The following RXFP1 variants were observed in gnomAD, a reference collection of about 807,000 sequenced individuals.
RXFP1 encodes relaxin family peptide receptor 1, also known as relaxin receptor 1.
A neutral mutation model predicts 89.8 loss-of-function variants in RXFP1; 73 were observed. That is an observed-to-expected ratio of 0.81 (90% CI 0.67 to 0.99). RXFP1 has a LOEUF of 0.99. Among genes scored for constraint, RXFP1 ranks in the 50% least tolerant of loss-of-function variants. The probability of loss-of-function intolerance (pLI) is 0.00; values close to 1 mark genes in which losing one functional copy is unlikely to be tolerated. For synonymous variants in RXFP1, 277 were observed against 305.5 expected, an observed-to-expected ratio of 0.91 and a Z score of 0.97; for missense variants, 793 against 895.5, an observed-to-expected ratio of 0.89 and a Z score of 1.46.
rs757580385 is a variant in RXFP1 at position 158,651,813 on chromosome 4, C to A, written c.2032C>A (p.Pro678Thr). 1.2e-6 allele frequency: 2 copies of A among 1,613,854 alleles called. No individual in the cohort carries two copies. Among genetic ancestry groups the A allele is most frequent in the Non-Finnish European group, 1.7e-6 (2 of 1,179,894 alleles). Residue 678 changes from proline (P) to threonine (T), a missense_variant, in exon 18 of 18, where the codon CCA becomes ACA. Physicochemically the swap from Pro to Thr is conservative, Grantham distance 38. Coordinates refer to ENST00000307765, the MANE Select transcript of RXFP1 (RefSeq NM_021634.4). Reference sequence around the variant, plus strand: ...TCTGCCCATTAACAGTGCTTTGAACCCAATTCTCTATACTCTGACCACAAG... The same window carrying A: ...TCTGCCCATTAACAGTGCTTTGAACACAATTCTCTATACTCTGACCACAAG... ...FILPINSALNPILYTLTTRPF... is the reference protein window; with the variant it reads ...FILPINSALNTILYTLTTRPF...
In RXFP1 at chr4:158,612,463, C is replaced by A. The variant is rs187723839; in HGVS notation, c.680+101C>A. The A allele has an allele frequency of 9.3e-5, 72 of 771,438 alleles. No homozygotes were observed. In the African/African-American group the frequency reaches 1.2e-3, roughly 13 times the overall value. The allele number at this position is 771,438 out of a possible 1,614,324, so 47.8% of individuals were successfully genotyped here. ...CATTAAATTTGGATTTGTTAAAACC[C>A]CAAAGAGGCCTTTTCAATGAAAAAC... On this transcript the variant is annotated intron_variant, in intron 8 of 17. Coordinates refer to ENST00000307765, the MANE Select transcript of RXFP1 (RefSeq NM_021634.4).
At chr4:158,646,147 G>T (rs1360662034) in intron 15 of RXFP1, among the ~76,000 whole-genome samples, 1 of 151,970 alleles carries the variant, frequency 6.6e-6, no homozygotes, top group East Asian at 1.9e-4. Context: ...CTAATTCCTG[G>T]GATCGGAGAC....
At chr4:158,643,952 A>T (rs973667983) in intron 14 of RXFP1, among the ~76,000 whole-genome samples, 1 of 151,314 alleles carries the variant, frequency 6.6e-6, no homozygotes, top group African/African-American at 2.4e-5. Flanking sequence ...GAGTAAGATG[A>T]TACCTCATTG....
intron 14 of RXFP1, among the ~76,000 whole-genome samples, chr4:158,642,677 T>G (rs1030854149): frequency 3.3e-5 from 5 of 152,202 alleles, no homozygotes; most frequent in Non-Finnish European, 7.3e-5. Flanking sequence ...TTTTATCCAT[T>G]CATCTGTTCA....
Position 158,648,014 on chromosome 4 carries a change from CA to C in RXFP1, c.1757-472del, listed in dbSNP as rs35514598. On this transcript the variant is annotated intron_variant, in intron 16 of 17. Coordinates refer to ENST00000307765, the MANE Select transcript of RXFP1 (RefSeq NM_021634.4). The stretch of plus-strand genomic sequence containing the variant: ...CGAGCAACACAGCGAGACTCCATCT[CA>C]AAAAAAAAAAAATTAGCTGGTGTGA... Among the ~76,000 whole-genome samples the C allele has an allele frequency of 1.8e-4, 26 of 144,718 alleles. 1 individual carries two copies. Among genetic ancestry groups the C allele is most frequent in the African/African-American group, 5.9e-4 (23 of 39,218 alleles). The allele number at this position is 144,718 out of a possible 152,430, so 94.9% of individuals were successfully genotyped here. A position where few individuals can be genotyped will look rare whatever the true frequency, so the allele number is the denominator to read the frequency against.
At chr4:158,535,488 G>A (rs942819972) in intron 1 of RXFP1, among the ~76,000 whole-genome samples, 4 of 152,096 alleles carry the variant, frequency 2.6e-5, no homozygotes, top group African/African-American at 9.7e-5. Context: ...AGTCGAATCA[G>A]CTACTGGTTT....
intron 11 of RXFP1, among the ~76,000 whole-genome samples, chr4:158,629,156 A>G (rs1561165904): frequency 6.6e-6 from 1 of 151,634 alleles, no homozygotes; most frequent in Admixed American, 6.6e-5. Context: ...GTTCAAGCAA[A>G]TATCCTGCCT....
At chr4:158,593,065 C>G (rs997827908) in intron 2 of RXFP1, among the ~76,000 whole-genome samples, 1 of 148,400 alleles carries the variant, frequency 6.7e-6, no homozygotes, top group Non-Finnish European at 1.5e-5. Context: ...TCCACCTGGG[C>G]GACCAGGCGA....
intron 15 of RXFP1, chr4:158,646,449 T>C (rs1771560653): frequency 1.6e-6 from 2 of 1,243,474 alleles, no homozygotes. Context: ...AGTCCCTAAC[T>C]GAATGCTCTA....
At chr4:158,606,272 G>T (rs886606079) in intron 5 of RXFP1, among the ~76,000 whole-genome samples, 1 of 152,150 alleles carries the variant, frequency 6.6e-6, no homozygotes, top group East Asian at 1.9e-4. Context: ...TTTATATAAT[G>T]CAGTGGCTTA....
chr4:158,633,275 G>T, intron 11 of RXFP1, 130 bp from the exon 12 acceptor site: 5 of 574,330 alleles, frequency 8.7e-6, no homozygotes, highest in Middle Eastern at 2.8e-4. Context: ...TAAATTTTTA[G>T]ACTTCTGGTG....
chr4:158,597,504 C>T (rs1314640416), intron 3 of RXFP1, among the ~76,000 whole-genome samples: 1 of 152,104 alleles, frequency 6.6e-6, no homozygotes, highest in Admixed American at 6.5e-5. Flanking sequence ...ATCAAATTTT[C>T]AATTAGCATT....
intron 15 of RXFP1, 186 bp from the exon 16 acceptor site, chr4:158,646,605 G>A (rs866915680): frequency 1.4e-6 from 2 of 1,402,610 alleles, no homozygotes; most frequent in Non-Finnish European, 9.2e-7. Context: ...CTTTGAGAGT[G>A]GTTACCAAAG....
rs781240326 is a variant in RXFP1, at chr4:158,579,579, T to C, written c.187+6744T>C. On this transcript the variant is annotated intron_variant, in intron 2 of 17. Transcript: ENST00000307765. Reference sequence around the variant, plus strand: ...GCAGCCTGCCCAACTTCTCTTGTTTTAAGTCACCAAGTTTGTGGGAATTTG... The same window carrying C: ...GCAGCCTGCCCAACTTCTCTTGTTTCAAGTCACCAAGTTTGTGGGAATTTG... 3.3e-5 allele frequency among the ~76,000 whole-genome samples: 5 copies of C among 152,220 alleles called. 1 individual carries two copies. The highest frequency in any genetic ancestry group is 1.2e-4 in the African/African-American group (5 of 41,464).
chr4:158,621,350 TAGAC>T (rs1159555753), intron 9 of RXFP1, among the ~76,000 whole-genome samples: 2 of 152,124 alleles, frequency 1.3e-5, no homozygotes, highest in Non-Finnish European at 2.9e-5. Flanking sequence ...ATAGATTAGA[TAGAC>T]AGTGGTATTC....
intron 2 of RXFP1, among the ~76,000 whole-genome samples, chr4:158,589,094 GA>G (rs1453781149): frequency 1.3e-5 from 2 of 152,176 alleles, no homozygotes; most frequent in Non-Finnish European, 2.9e-5. Flanking sequence ...CCTCTTCACA[GA>G]GCAGCAGGAG....
intron 1 of RXFP1, among the ~76,000 whole-genome samples, chr4:158,533,918 G>A (rs747142218): frequency 3.3e-5 from 5 of 152,020 alleles, no homozygotes; most frequent in African/African-American, 4.8e-5. Flanking sequence ...AAACATCAAT[G>A]TATAAAAATA....
intron 9 of RXFP1, among the ~76,000 whole-genome samples, chr4:158,625,319 A>G (rs1475649073): frequency 6.6e-6 from 1 of 152,110 alleles, no homozygotes; most frequent in Non-Finnish European, 1.5e-5. Flanking sequence ...TAGTACAAAA[A>G]TCCTGTCTAC....
At chr4:158,620,854 C>T (rs996885333) in intron 9 of RXFP1, among the ~76,000 whole-genome samples, 1 of 152,186 alleles carries the variant, frequency 6.6e-6, no homozygotes, top group Non-Finnish European at 1.5e-5. Context: ...GGCATGGTGG[C>T]TCACACCTAT....
Sources: gnomAD v4.1 joint callset for allele counts (sites outside exome capture counted in the v4.1 genomes callset) on GRCh38, gnomAD v4.1.1 for gene constraint, MANE v1.5 for transcripts, NCBI Gene and HGNC (gene_info 2026-07-23, HGNC 2026-07-21) for gene names.